CLN6: variants seen among roughly 807,000 people sequenced by gnomAD.
CLN6 encodes ceroid-lipofuscinosis neuronal protein 6.
In CLN6, 22 loss-of-function variants were observed where a neutral mutation model predicts 33.3. The ratio of observed to expected loss-of-function variants is 0.66; its 90% CI spans 0.47 to 0.94. The LOEUF is 0.94. CLN6 is among the 40% of genes least tolerant of loss of function. The probability of loss-of-function intolerance (pLI) is 0.00; values close to 1 mark genes in which losing one functional copy is unlikely to be tolerated. For synonymous variants in CLN6, 201 were observed against 174.6 expected, an observed-to-expected ratio of 1.15 and a Z score of -1.19; for missense variants, 387 against 417.1, an observed-to-expected ratio of 0.93 and a Z score of 0.63.
chr15:68,218,205 C>A, intron 2 of CLN6: 1 of 320,834 alleles, frequency 3.1e-6, no homozygotes, highest in Non-Finnish European at 6.2e-6. Flanking sequence ...TTTCCTATAC[C>A]CCTTTGTCTG....
At chr15:68,226,063 T>C (rs1368553227) in intron 1 of CLN6, among the ~76,000 whole-genome samples, 1 of 151,928 alleles carries the variant, frequency 6.6e-6, no homozygotes, top group East Asian at 1.9e-4. Context: ...CTCAGGCCTG[T>C]AATCCCAGCA....
Position 68,256,438 on chromosome 15 carries a change from G to T in CLN6, c.179+252C>A, listed in dbSNP as rs1161399269. ...TTCCCTTTTTTAAATGTGGTTACTA[G>T]AAAATGTAAAATTACATATGTGGCT... On this transcript the variant is annotated intron_variant, in intron 1 of 6. Transcript: ENST00000538696. The surrounding 1 kb of genome is among the most constrained non-coding windows in gnomAD (Gnocchi z 4.1). 6.6e-6 allele frequency among the ~76,000 whole-genome samples: 1 copy of T among 152,162 alleles called. No homozygotes were observed. Among genetic ancestry groups the T allele is most frequent in the Non-Finnish European group, 1.5e-5 (1 of 68,030 alleles).
At chr15:68,250,674 C>T (rs183383391) in intron 1 of CLN6, among the ~76,000 whole-genome samples, 36 of 150,916 alleles carry the variant, frequency 2.4e-4, no homozygotes, top group African/African-American at 7.8e-4. Flanking sequence ...TCACGCAATT[C>T]GTAGCAGATT....
intron 3 of CLN6, 63 bp downstream of exon 3, chr15:68,214,227 C>A: frequency 7.9e-7 from 1 of 1,272,196 alleles, no homozygotes; most frequent in South Asian, 1.2e-5. Context: ...CTTAGCATCA[C>A]CTTCCTGCCA....
chr15:68,223,343 A>G (rs1312204271), intron 1 of CLN6, among the ~76,000 whole-genome samples: 10 of 152,144 alleles, frequency 6.6e-5, no homozygotes, highest in Admixed American at 6.5e-5. Flanking sequence ...GGGCGGCTCG[A>G]TCTTCAGACT....
intron 2 of CLN6, chr15:68,214,731 G>T: frequency 2.9e-6 from 1 of 345,140 alleles, no homozygotes. Context: ...CAGGGACTCC[G>T]TTGTGGCACC....
At chr15:68,223,107 C>A (rs1250065801) in intron 1 of CLN6, among the ~76,000 whole-genome samples, 1 of 151,648 alleles carries the variant, frequency 6.6e-6, no homozygotes, top group Admixed American at 6.6e-5. Flanking sequence ...CTGAGAAACA[C>A]CCAAGAATGA....
At chr15:68,216,257 C>T (rs1338159012) in intron 2 of CLN6, among the ~76,000 whole-genome samples, 2 of 152,026 alleles carry the variant, frequency 1.3e-5, no homozygotes, top group Non-Finnish European at 2.9e-5. Flanking sequence ...CTTCTTTGGC[C>T]CCCAGTATGT....
Position 68,207,844 on chromosome 15 carries a change from A to T in CLN6, c.*296T>A. 1 of 455,772 alleles carries T rather than the reference A, an allele frequency of 2.2e-6. No individual in the cohort carries two copies. Among genetic ancestry groups the T allele is most frequent in the Non-Finnish European group, 4.1e-6 (1 of 246,206 alleles). 28.2% of individuals were successfully genotyped at this position (455,772 alleles called of 1,614,324 possible). On this transcript the variant is annotated 3_prime_UTR_variant, in exon 7 of 7. Transcript: ENST00000249806. ...GAGTAGGGAGTGTGGTCAGGTGCAG[A>T]GGAGGGCAGGGGCCCGGATCCTGGC...
chr15:68,223,285 A>C (rs1371137873), intron 1 of CLN6, among the ~76,000 whole-genome samples: 1 of 152,210 alleles, frequency 6.6e-6, no homozygotes, highest in Non-Finnish European at 1.5e-5. Flanking sequence ...AAGGTTCTGC[A>C]TGGAGCTGAG....
intron 1 of CLN6, among the ~76,000 whole-genome samples, chr15:68,253,317 T>A (rs1341146373): frequency 6.6e-6 from 1 of 152,112 alleles, no homozygotes; most frequent in African/African-American, 2.4e-5. Flanking sequence ...CGTGACCGGG[T>A]TTTTTGTTTT....
At position 68,241,608 on chromosome 15, in the gene CLN6, A is replaced by T. The variant is rs1892280885; in HGVS notation, c.179+15082T>A. ...AAGAAATATCTCTGAGGACACTGAGAGACCAAGGAGGGAGGTGGGGATACT... is the reference window on the plus strand; with the variant it reads ...AAGAAATATCTCTGAGGACACTGAGTGACCAAGGAGGGAGGTGGGGATACT... On this transcript the variant is annotated intron_variant, in intron 1 of 6. Transcript: ENST00000538696. This position sits in a 1 kb window ranked among gnomAD's most constrained non-coding sequence, Gnocchi z 4.2. 6.6e-6 allele frequency among the ~76,000 whole-genome samples: 1 copy of T among 151,864 alleles called. No individual in the cohort carries two copies. Among genetic ancestry groups the T allele is most frequent in the Non-Finnish European group, 1.5e-5 (1 of 67,916 alleles).
chr15:68,235,587 A>AATAAATATAT (rs1862434089), intron 1 of CLN6, among the ~76,000 whole-genome samples: 4 of 95,106 alleles, frequency 4.2e-5, no homozygotes, highest in African/African-American at 1.8e-4. Flanking sequence ...AATAAAAATA[A>AATAAATATAT]ATATATATAT....
At chr15:68,245,054 A>C (rs1892317337) in intron 1 of CLN6, among the ~76,000 whole-genome samples, 1 of 136,494 alleles carries the variant, frequency 7.3e-6, no homozygotes, top group Non-Finnish European at 1.6e-5. Flanking sequence ...AAAAAAAGAG[A>C]GAGAGAGGCA....
rs565802967 is a variant in CLN6 at position 68,246,601 on chromosome 15, C to G, written c.179+10089G>C. Among the ~76,000 whole-genome samples, 26 of 151,962 alleles carry G rather than the reference C, an allele frequency of 1.7e-4. No individual in the cohort carries two copies. Among genetic ancestry groups the G allele is most frequent in the African/African-American group, 5.8e-4 (24 of 41,406 alleles). ...GAGGGAATTTTATAGCAATAAATGC[C>G]TACATCAAAAAAGCAGAAAGACTTC... On this transcript the variant is annotated intron_variant, in intron 1 of 6. Coordinates refer to the CLN6 transcript ENST00000538696. The surrounding 1 kb of genome is among the most constrained non-coding windows in gnomAD (Gnocchi z 4.5).
chr15:68,254,583 C>G, intron 1 of CLN6: 1 of 567,176 alleles, frequency 1.8e-6, no homozygotes, highest in Middle Eastern at 4.3e-4. Context: ...CAGGACAGAT[C>G]AAAGCCACGC....
In CLN6 at chr15:68,210,204, A is replaced by T. The variant is rs1241505634; in HGVS notation, c.543-445T>A. On this transcript the variant is annotated intron_variant, in intron 5 of 6. Transcript: ENST00000249806. This position sits in a 1 kb window ranked among gnomAD's most constrained non-coding sequence, Gnocchi z 5.6. Reference sequence around the variant, plus strand: ...AGCACTGCACCCACTCTCAGCACACAGCCCCACCCCCACCTCAGACACCTC... The same window carrying T: ...AGCACTGCACCCACTCTCAGCACACTGCCCCACCCCCACCTCAGACACCTC... Among the ~76,000 whole-genome samples, 1 of 151,766 alleles carries T rather than the reference A, an allele frequency of 6.6e-6. No homozygotes were observed. Among genetic ancestry groups the T allele is most frequent in the Non-Finnish European group, 1.5e-5 (1 of 67,904 alleles).
At chr15:68,237,030 G>A (rs527429501) in intron 1 of CLN6, among the ~76,000 whole-genome samples, 9 of 151,436 alleles carry the variant, frequency 5.9e-5, no homozygotes, top group East Asian at 1.9e-4. Context: ...GGTGGCGGGC[G>A]CCTGTAGTCC....
Position 68,219,156 on chromosome 15 carries a change from A to G in CLN6, c.84-506T>C, listed in dbSNP as rs2093228577. Among the ~76,000 whole-genome samples the G allele has an allele frequency of 6.6e-6, 1 of 152,188 alleles. No homozygotes were observed. Among genetic ancestry groups the G allele is most frequent in the Non-Finnish European group, 1.5e-5 (1 of 68,024 alleles). ...CCCAAGAGGCTCAATAACTTGCTCAAGGTCACACAGCTAAGGATTTGAACC... is the reference window on the plus strand; with the variant it reads ...CCCAAGAGGCTCAATAACTTGCTCAGGGTCACACAGCTAAGGATTTGAACC... On this transcript the variant is annotated intron_variant, in intron 1 of 6. Transcript: ENST00000249806. The surrounding 1 kb of genome is among the most constrained non-coding windows in gnomAD (Gnocchi z 4.2).
Sources: gnomAD v4.1 joint callset for allele counts (sites outside exome capture counted in the v4.1 genomes callset) on GRCh38, gnomAD v4.1.1 for gene constraint, Gnocchi (gnomAD v3.1) non-coding constraint, MANE v1.5 for transcripts, NCBI Gene and HGNC (gene_info 2026-07-23, HGNC 2026-07-21) for gene names.